Variants in PLS1 observed in about 807,000 individuals in gnomAD.
The protein encoded by PLS1 is plastin 1.
PLS1 carries 32 observed loss-of-function variants against 73.7 expected under a neutral mutation model. The observed-to-expected ratio is 0.43, with a 90% CI of 0.33 to 0.58. PLS1 has a LOEUF of 0.58. PLS1 is among the 20% of genes least tolerant of loss of function. The pLI is 0.04. For synonymous variants in PLS1, 217 were observed against 261.3 expected (o/e 0.83, Z 1.63); for missense variants, 633 against 740.5 (o/e 0.85, Z 1.68).
chr3:142,711,570 C>G lies in PLS1; in HGVS notation c.1699C>G (p.Gln567Glu), dbSNP rs1933129022. The change falls in exon 15 of 16, where the codon CAA becomes GAA. Residue 567 changes from glutamine to glutamate, a missense_variant. Coordinates refer to ENST00000457734, the MANE Select transcript of PLS1 (RefSeq NM_001145319.2). ...IDAIAPNAVR[Q>E]EMIRRENLSD... Reference sequence around the variant, plus strand: ...TGCCATTGCACCAAATGCAGTTCGTCAAGAAATGATCAGGAGAGAAAACTT... The same window carrying G: ...TGCCATTGCACCAAATGCAGTTCGTGAAGAAATGATCAGGAGAGAAAACTT... The G allele has an allele frequency of 1.1e-5, 17 of 1,607,296 alleles. No individual in the cohort carries two copies. Among genetic ancestry groups the G allele is most frequent in the Non-Finnish European group, 1.4e-5 (17 of 1,174,778 alleles).
intron 1 of PLS1, among the ~76,000 whole-genome samples, chr3:142,635,037 C>T (rs2036647212): frequency 6.6e-6 from 1 of 151,938 alleles, no homozygotes; most frequent in African/African-American, 2.4e-5. Flanking sequence ...TCCTCCCAAC[C>T]TTAGCCTCCC....
chr3:142,656,046 C>T (rs1404475993), intron 1 of PLS1, among the ~76,000 whole-genome samples: 1 of 152,126 alleles, frequency 6.6e-6, no homozygotes, highest in African/African-American at 2.4e-5. Context: ...ACTGCAACCT[C>T]CACCTCCCTG....
intron 1 of PLS1, among the ~76,000 whole-genome samples, chr3:142,652,333 A>C (rs2037114848): frequency 6.6e-6 from 1 of 152,230 alleles, no homozygotes; most frequent in Non-Finnish European, 1.5e-5. Context: ...AGTTCCAGTC[A>C]GTCTTCTATT....
intron 1 of PLS1, among the ~76,000 whole-genome samples, chr3:142,659,672 C>CTTTTTTT (rs533796970): frequency 7.2e-6 from 1 of 138,792 alleles, no homozygotes. Flanking sequence ...TTTCTTTTTT[C>CTTTTTTT]TTTTTTTTTT....
Position 142,630,068 on chromosome 3 carries a change from A to C in PLS1, c.-37+33559A>C, listed in dbSNP as rs117622564. Reference sequence around the variant, plus strand: ...CTTTCCAAGTAATTTAACTGCATCCAAGAATAAAGATCAAGAATGGTTATA... The same window carrying C: ...CTTTCCAAGTAATTTAACTGCATCCCAGAATAAAGATCAAGAATGGTTATA... On this transcript the variant is annotated intron_variant, in intron 1 of 15. Transcript: ENST00000457734. 7.7e-4 allele frequency among the ~76,000 whole-genome samples: 117 copies of C among 152,290 alleles called. No homozygotes were observed. In the East Asian group the frequency reaches 0.019, roughly 24 times the overall value.
At chr3:142,634,651 CA>C (rs574980330) in intron 1 of PLS1, among the ~76,000 whole-genome samples, 9 of 149,802 alleles carry the variant, frequency 6.0e-5, no homozygotes, top group South Asian at 2.1e-4. Context: ...AAATATACTT[CA>C]AAAAAAAAGA....
chr3:142,698,654 T>C (rs1208852459), intron 12 of PLS1, among the ~76,000 whole-genome samples: 2 of 152,046 alleles, frequency 1.3e-5, no homozygotes, highest in African/African-American at 4.8e-5. Flanking sequence ...TGATGAATAA[T>C]AGAAATATGA....
At chr3:142,667,376 C>T (rs544377528) in intron 2 of PLS1, among the ~76,000 whole-genome samples, 34 of 152,282 alleles carry the variant, frequency 2.2e-4, no homozygotes, top group African/African-American at 7.7e-4. Context: ...GATTGCACCA[C>T]TGCACTCCAG....
At chr3:142,708,961 A>G (rs1173589850) in intron 14 of PLS1, among the ~76,000 whole-genome samples, 1 of 152,222 alleles carries the variant, frequency 6.6e-6, no homozygotes, top group Non-Finnish European at 1.5e-5. Context: ...ATGGGTGGGA[A>G]AAATACTTGT....
At chr3:142,708,598 T>C (rs1932963357) in intron 14 of PLS1, among the ~76,000 whole-genome samples, 2 of 152,220 alleles carry the variant, frequency 1.3e-5, no homozygotes, top group Non-Finnish European at 2.9e-5. Flanking sequence ...TGAAATGTTC[T>C]AATACATATC....
chr3:142,708,870 A>G (rs530016045), intron 14 of PLS1, among the ~76,000 whole-genome samples: 1 of 152,362 alleles, frequency 6.6e-6, no homozygotes, highest in South Asian at 2.1e-4. Flanking sequence ...ACAAGAAGAT[A>G]AGAGATCTGA....
chr3:142,643,199 A>G (rs1049162132), intron 1 of PLS1, among the ~76,000 whole-genome samples: 9 of 152,124 alleles, frequency 5.9e-5, no homozygotes, highest in Non-Finnish European at 1.3e-4. Flanking sequence ...AGAAGGGGAG[A>G]CTGGAGCCCA....
At chr3:142,678,506 C>A (rs1404882469) in intron 6 of PLS1, among the ~76,000 whole-genome samples, 6 of 144,782 alleles carry the variant, frequency 4.1e-5, no homozygotes, top group South Asian at 2.2e-4. Flanking sequence ...CCCACCTATG[C>A]GTGAGAATAT....
At chr3:142,617,568 T>A (rs898213731) in intron 1 of PLS1, among the ~76,000 whole-genome samples, 2 of 152,166 alleles carry the variant, frequency 1.3e-5, no homozygotes, top group Admixed American at 1.3e-4. Context: ...TTATTTTAGA[T>A]CTCATTCAGA....
At chr3:142,647,410 G>A (rs375252530) in intron 1 of PLS1, among the ~76,000 whole-genome samples, 3 of 152,198 alleles carry the variant, frequency 2.0e-5, no homozygotes, top group East Asian at 1.9e-4. Context: ...ATTATGAGTG[G>A]TCTGTTGGGA....
chr3:142,665,270 C>T (rs2037454972), intron 2 of PLS1, among the ~76,000 whole-genome samples: 1 of 128,926 alleles, frequency 7.8e-6, no homozygotes, highest in Admixed American at 8.1e-5. Flanking sequence ...CAAAGAAAAA[C>T]GATATGTTTA....
In PLS1 at chr3:142,676,266, A is replaced by G. The variant is rs781504713; in HGVS notation, c.474A>G (p.Ser158=). The G allele has an allele frequency of 3.1e-6, 5 of 1,613,176 alleles. 1 individual carries two copies. Among genetic ancestry groups the G allele is most frequent in the Non-Finnish European group, 4.2e-6 (5 of 1,179,682 alleles). ...MNPNDDSLFK[S]LADGILLCKM... ...CCAATGATGATAGTCTTTTCAAGTC[A>G]CTTGCAGATGGCATCCTTCTTTGGT... Residue 158 remains serine, a synonymous_variant, in exon 5 of 16, where the codon TCA becomes TCG. Transcript: ENST00000457734.
rs1234354540 is a variant in PLS1, at chr3:142,602,068, C to T, written c.-37+5559C>T. On this transcript the variant is annotated intron_variant, in intron 1 of 15. Transcript: ENST00000457734. ...GGAACCACCAACATTCTTTGAGCCA[C>T]ATTTAAAAAAACCAAAACAACAGTG... Among the ~76,000 whole-genome samples the T allele has an allele frequency of 2.7e-5, 4 of 149,238 alleles. No homozygotes were observed. In the East Asian group the frequency reaches 5.9e-4, roughly 22 times the overall value.
At chr3:142,656,791 G>GTA (rs1179073793) in intron 1 of PLS1, 12 of 152,136 alleles carry the variant, frequency 7.9e-5, no homozygotes, top group Non-Finnish European at 1.3e-4. Flanking sequence ...GGGAAGGGCT[G>GTA]TGGTGAGAGA....
Sources: allele counts gnomAD v4.1 joint callset (sites outside exome capture counted in the v4.1 genomes callset), GRCh38; gene constraint gnomAD v4.1.1; transcripts MANE v1.5; gene names NCBI Gene and HGNC (gene_info 2026-07-23, HGNC 2026-07-21).